Variants in CDH11 observed in about 807,000 individuals in gnomAD.
The protein encoded by CDH11 is cadherin-11.
In CDH11, 11 loss-of-function variants were observed where a neutral mutation model predicts 67.8. The observed-to-expected ratio is 0.16, with a 90% CI of 0.10 to 0.27. The LOEUF (loss-of-function observed/expected upper bound fraction) is 0.27, where lower values mean the gene tolerates loss of function less well. CDH11 is among the 10% of genes least tolerant of loss of function. CDH11 has a pLI of 1.00. For missense variants in CDH11, 847 were observed against 1,031.2 expected (o/e 0.82, Z 2.45); for synonymous variants, 419 against 400.0 (o/e 1.05, Z -0.57).
Position 65,025,837 on chromosome 16 carries a change from C to T in CDH11, c.-172-20796G>A, listed in dbSNP as rs2073523172. ...TTTATCCCAGAACCCAAATGGGATT[C>T]TGTAGTGTTGACCTGTGAGTATGCT... On this transcript the variant is annotated intron_variant, in intron 2 of 12. Transcript: ENST00000268603. 2.0e-5 allele frequency among the ~76,000 whole-genome samples: 3 copies of T among 152,172 alleles called. No homozygotes were observed. In the South Asian group the frequency reaches 6.2e-4, roughly 32 times the overall value.
intron 2 of CDH11, among the ~76,000 whole-genome samples, chr16:65,009,626 A>G (rs745834373): frequency 9.8e-5 from 15 of 152,336 alleles, no homozygotes; most frequent in Non-Finnish European, 1.9e-4. Context: ...AGGGAAATAT[A>G]TCAATGTTCT....
At chr16:65,109,975 C>T (rs758058287) in intron 1 of CDH11, among the ~76,000 whole-genome samples, 28 of 152,100 alleles carry the variant, frequency 1.8e-4, no homozygotes, top group Non-Finnish European at 3.5e-4. Context: ...TCGACCTCTC[C>T]GGCTCAAGCA....
At chr16:64,974,754 CT>C (rs1364795367) in intron 8 of CDH11, among the ~76,000 whole-genome samples, 2 of 152,118 alleles carry the variant, frequency 1.3e-5, no homozygotes, top group Non-Finnish European at 2.9e-5. Context: ...TAATCAAAGA[CT>C]TTTTTTCCTT....
At chr16:64,950,725 G>A (rs767585778) in intron 12 of CDH11, 42 bp downstream of exon 12, 1 of 1,599,212 alleles carries the variant, frequency 6.3e-7, no homozygotes, top group Non-Finnish European at 8.5e-7. Context: ...GGGGCATCCG[G>A]TTGCCTGGCC....
At chr16:64,975,469 G>A (rs2072138225) in intron 8 of CDH11, among the ~76,000 whole-genome samples, 1 of 152,152 alleles carries the variant, frequency 6.6e-6, no homozygotes, top group African/African-American at 2.4e-5. Flanking sequence ...AAATACATGA[G>A]GTGATGAGAG....
intron 2 of CDH11, among the ~76,000 whole-genome samples, chr16:65,046,385 G>T (rs1368189682): frequency 1.3e-5 from 2 of 152,210 alleles, no homozygotes; most frequent in Non-Finnish European, 2.9e-5. Context: ...CTTTCCCAAA[G>T]ATCAAGTGGC....
chr16:65,098,942 G>C (rs1331784453), intron 1 of CDH11, among the ~76,000 whole-genome samples: 1 of 152,080 alleles, frequency 6.6e-6, no homozygotes, highest in Non-Finnish European at 1.5e-5. Context: ...TGACCTTTGA[G>C]GTCACTTTCA....
At chr16:65,039,144 G>A (rs1031673801) in intron 2 of CDH11, among the ~76,000 whole-genome samples, 5 of 152,156 alleles carry the variant, frequency 3.3e-5, no homozygotes, top group Non-Finnish European at 5.9e-5. Context: ...TGTAGAATGC[G>A]CACTTGCCTC....
intron 8 of CDH11, among the ~76,000 whole-genome samples, chr16:64,975,548 A>G (rs148564926): frequency 1.4e-3 from 220 of 152,220 alleles, no homozygotes; most frequent in African/African-American, 5.0e-3. Context: ...GATTTAGTGG[A>G]TATTTGGGCA....
rs918436936 is a variant in CDH11, at chr16:65,121,770, TC to T, written c.-298+109del. On this transcript the variant is annotated intron_variant, in intron 1 of 12. Coordinates refer to ENST00000268603, the MANE Select transcript of CDH11 (RefSeq NM_001797.4). The surrounding 1 kb of genome is among the most constrained non-coding windows in gnomAD (Gnocchi z 4.1). ...AGCCTTCTCGACTCAGATACCACCGTCCCCCTCACCACCCCGCCCCGCCAAG... is the reference window on the plus strand; with the variant it reads ...AGCCTTCTCGACTCAGATACCACCGTCCCCTCACCACCCCGCCCCGCCAAG... 2.4e-5 allele frequency: 17 copies of T among 697,028 alleles called. No individual in the cohort carries two copies. The African/African-American group carries it at 3.0e-4, about 12-fold the overall frequency. The allele number at this position is 697,028 out of a possible 1,614,324, so 43.2% of individuals were successfully genotyped here.
chr16:64,947,200 G>A lies in CDH11; in HGVS notation c.*403C>T, dbSNP rs1384013101. On this transcript the variant is annotated 3_prime_UTR_variant, in exon 13 of 13. Coordinates refer to ENST00000268603, the MANE Select transcript of CDH11 (RefSeq NM_001797.4). Reference sequence around the variant, plus strand: ...ATATAGAGTGTCCAGAGTTTAAGGCGAAATTACAGCTCAGAACTGTTGTCC... The same window carrying A: ...ATATAGAGTGTCCAGAGTTTAAGGCAAAATTACAGCTCAGAACTGTTGTCC... The A allele has an allele frequency of 1.5e-5, 16 of 1,075,090 alleles. No individual in the cohort carries two copies. The East Asian group carries it at 1.5e-4, about 10-fold the overall frequency. 66.6% of individuals were successfully genotyped at this position (1,075,090 alleles called of 1,614,324 possible). A position where few individuals can be genotyped will look rare whatever the true frequency, so the allele number is the denominator to read the frequency against.
At chr16:65,112,084 A>T (rs904959836) in intron 1 of CDH11, among the ~76,000 whole-genome samples, 4 of 151,796 alleles carry the variant, frequency 2.6e-5, no homozygotes, top group Admixed American at 1.3e-4. Context: ...AAAAAAAAAA[A>T]AAAAGAATAA....
At chr16:65,122,644 C>T (rs1330403254), upstream of CDH11, among the ~76,000 whole-genome samples, 1 of 152,126 alleles carries the variant, frequency 6.6e-6, no homozygotes, top group African/African-American at 2.4e-5. Flanking sequence ...TGCCCAGCCC[C>T]CACCCCTCTC....
intron 4 of CDH11, among the ~76,000 whole-genome samples, chr16:64,997,026 C>T (rs947778221): frequency 1.3e-4 from 19 of 151,932 alleles, no homozygotes; most frequent in Admixed American, 1.0e-3. Flanking sequence ...GGGCCGGGCA[C>T]GGTGGCTCAC....
rs367980112 is a variant in CDH11 at position 64,954,870 on chromosome 16, C to T, written c.1643-3852G>A. The stretch of plus-strand genomic sequence containing the variant: ...CTGTAATCCCAGCACTTGGGAGAAC[C>T]AGGTGGGCAGATGACTTGAGGCCAG... On this transcript the variant is annotated intron_variant, in intron 11 of 12. Coordinates refer to ENST00000268603, the MANE Select transcript of CDH11 (RefSeq NM_001797.4). 3.3e-5 allele frequency among the ~76,000 whole-genome samples: 5 copies of T among 151,068 alleles called. No homozygotes were observed. The South Asian group carries it at 1.0e-3, about 32-fold the overall frequency.
chr16:64,987,952 C>T (rs1019053826), intron 7 of CDH11: 7 of 440,920 alleles, frequency 1.6e-5, no homozygotes, highest in Non-Finnish European at 2.4e-5. Context: ...GCAGGTATCA[C>T]CAGCCCCTTT....
At chr16:65,108,214 A>G (rs529304126) in intron 1 of CDH11, among the ~76,000 whole-genome samples, 1 of 152,270 alleles carries the variant, frequency 6.6e-6, no homozygotes, top group African/African-American at 2.4e-5. Context: ...CCTCACTTCA[A>G]AGATGTGACT....
intron 2 of CDH11, among the ~76,000 whole-genome samples, chr16:65,035,805 T>C (rs2073743346): frequency 6.6e-6 from 1 of 152,196 alleles, no homozygotes. Flanking sequence ...ACCTAGTCTT[T>C]AGTATTCAGA....
chr16:65,107,738 G>C (rs1265652411), intron 1 of CDH11, among the ~76,000 whole-genome samples: 1 of 152,146 alleles, frequency 6.6e-6, no homozygotes, highest in African/African-American at 2.4e-5. Context: ...AGGTGTGCTT[G>C]TCTCCATGAT....
Sources: allele counts gnomAD v4.1 joint callset (sites outside exome capture counted in the v4.1 genomes callset), GRCh38; gene constraint gnomAD v4.1.1; non-coding constraint Gnocchi (gnomAD v3.1); transcripts MANE v1.5; gene names NCBI Gene and HGNC (gene_info 2026-07-23, HGNC 2026-07-21).